The following CEP70 variants were observed in gnomAD, a reference collection of about 807,000 sequenced individuals.
CEP70 encodes centrosomal protein 70.
A neutral mutation model predicts 90.9 loss-of-function variants in CEP70; 70 were observed. The ratio of observed to expected loss-of-function variants is 0.77; its 90% confidence interval spans 0.64 to 0.94. CEP70 has a LOEUF of 0.94. Ranked by LOEUF, CEP70 falls within the 40% of genes least tolerant of loss-of-function variation. The pLI is 0.00. For synonymous variants in CEP70, 220 were observed against 228.3 expected, an observed-to-expected ratio of 0.96 and a Z score of 0.33; for missense variants, 648 against 669.0, an observed-to-expected ratio of 0.97 and a Z score of 0.35.
chr3:138,569,954 T>C (rs1368284744), intron 6 of CEP70, among the ~76,000 whole-genome samples: 1 of 152,166 alleles, frequency 6.6e-6, no homozygotes, highest in East Asian at 1.9e-4. Context: ...GATATGAGTC[T>C]GGAATTCGGG....
At position 138,500,791 on chromosome 3, in the gene CEP70, C is replaced by CA. The variant is rs753111985; in HGVS notation, c.1311dup (p.Glu438Ter). ...GTATCTACTATAAACAACAAATCTT[C>CA]AACTTTGATACCTTCATTTTCATCC... On this transcript the variant is annotated frameshift_variant, in exon 14 of 18. Coordinates refer to ENST00000264982, the MANE Select transcript of CEP70 (RefSeq NM_024491.4). LOFTEE classifies it high-confidence loss of function. The CA allele has an allele frequency of 1.2e-6, 2 of 1,605,838 alleles. No individual in the cohort carries two copies. The highest frequency in any genetic ancestry group is 1.7e-6 in the Non-Finnish European group (2 of 1,174,716).
At chr3:138,520,403 C>T (rs529696045) in intron 11 of CEP70, among the ~76,000 whole-genome samples, 1 of 152,322 alleles carries the variant, frequency 6.6e-6, no homozygotes, top group South Asian at 2.1e-4. Flanking sequence ...CCACACCACA[C>T]CTATTCCAAA....
At chr3:138,512,094 A>G (rs2035589581) in intron 11 of CEP70, among the ~76,000 whole-genome samples, 1 of 152,170 alleles carries the variant, frequency 6.6e-6, no homozygotes, top group Non-Finnish European at 1.5e-5. Flanking sequence ...ACAGACAACA[A>G]AGAAGAAATG....
chr3:138,506,328 G>A (rs1326330418), intron 12 of CEP70, among the ~76,000 whole-genome samples: 1 of 152,076 alleles, frequency 6.6e-6, no homozygotes, highest in African/African-American at 2.4e-5. Flanking sequence ...GGGCAACAGA[G>A]CAAGACCCTG....
intron 7 of CEP70, among the ~76,000 whole-genome samples, chr3:138,535,251 AC>A (rs2038166394): frequency 6.6e-6 from 1 of 151,840 alleles, no homozygotes; most frequent in Non-Finnish European, 1.5e-5. Context: ...CCTTTCTCTC[AC>A]CTCTTCCTAT....
intron 6 of CEP70, among the ~76,000 whole-genome samples, chr3:138,558,083 G>T (rs1266101623): frequency 6.6e-6 from 1 of 152,166 alleles, no homozygotes; most frequent in African/African-American, 2.4e-5. Flanking sequence ...AAAGAAAACT[G>T]GCCAGGCACA....
At chr3:138,560,198 C>T (rs1186327188) in intron 6 of CEP70, among the ~76,000 whole-genome samples, 1 of 152,114 alleles carries the variant, frequency 6.6e-6, no homozygotes. Flanking sequence ...ACAGTGGGTA[C>T]AGCCCACAGA....
rs553047415 is a variant in CEP70, at chr3:138,495,862, C to A, written c.1733-786G>T. On this transcript the variant is annotated intron_variant, in intron 17 of 17. Coordinates refer to ENST00000264982, the MANE Select transcript of CEP70 (RefSeq NM_024491.4). ...GAGCAAGACTATGTCTCAAAAAAAACAATTATCTGCCTAATCAAAAAGATA... is the reference window on the plus strand; with the variant it reads ...GAGCAAGACTATGTCTCAAAAAAAAAAATTATCTGCCTAATCAAAAAGATA... The A allele has an allele frequency of 2.6e-4, 255 of 984,378 alleles. No homozygotes were observed. The African/African-American group carries it at 4.1e-3, about 16-fold the overall frequency. The allele number at this position is 984,378 out of a possible 1,614,324, so 61.0% of individuals were successfully genotyped here.
intron 2 of CEP70, among the ~76,000 whole-genome samples, chr3:138,582,061 G>A (rs1161491651): frequency 6.6e-6 from 1 of 152,170 alleles, no homozygotes; most frequent in Non-Finnish European, 1.5e-5. Context: ...AAAAGCTGAG[G>A]AATTTCATCA....
chr3:138,522,464 G>T (rs973798655), intron 11 of CEP70, among the ~76,000 whole-genome samples: 3 of 151,882 alleles, frequency 2.0e-5, no homozygotes, highest in Non-Finnish European at 4.4e-5. Flanking sequence ...CAACAAAATT[G>T]ATAGACCACT....
chr3:138,537,586 A>C (rs1460022299), intron 6 of CEP70, among the ~76,000 whole-genome samples: 2 of 152,318 alleles, frequency 1.3e-5, no homozygotes, highest in Middle Eastern at 3.4e-3. Flanking sequence ...AATTGCGTGC[A>C]TTCAAGACAT....
intron 6 of CEP70, among the ~76,000 whole-genome samples, chr3:138,539,194 T>C (rs190886841): frequency 6.6e-6 from 1 of 152,168 alleles, no homozygotes; most frequent in Non-Finnish European, 1.5e-5. Flanking sequence ...GGATAGTTTT[T>C]GTATTTTTAG....
intron 6 of CEP70, among the ~76,000 whole-genome samples, chr3:138,566,803 G>GTA (rs35031657): frequency 0.066 from 9,745 of 148,428 alleles, 605 homozygotes; most frequent in East Asian, 0.32. Flanking sequence ...AGAACTTAAA[G>GTA]TATATATATA....
chr3:138,531,047 A>G (rs906303620), intron 8 of CEP70, among the ~76,000 whole-genome samples: 4 of 152,168 alleles, frequency 2.6e-5, no homozygotes, highest in Admixed American at 6.5e-5. Flanking sequence ...TCAATAAGAC[A>G]TCCAATCCAA....
In CEP70 at chr3:138,515,224, T is replaced by C. The variant is rs564887886; in HGVS notation, c.945-6680A>G. Among the ~76,000 whole-genome samples, 8 of 152,230 alleles carry C rather than the reference T, an allele frequency of 5.3e-5. No homozygotes were observed. In the South Asian group the frequency reaches 1.2e-3, roughly 24 times the overall value. On this transcript the variant is annotated intron_variant, in intron 11 of 17. Coordinates refer to ENST00000264982, the MANE Select transcript of CEP70 (RefSeq NM_024491.4). ...ACATTTTCCTTAAATGATCAATATATAACCTTGTTGTCTGTATGTTTCTAT... is the reference window on the plus strand; with the variant it reads ...ACATTTTCCTTAAATGATCAATATACAACCTTGTTGTCTGTATGTTTCTAT...
At chr3:138,590,683 T>C (rs1181779019) in intron 2 of CEP70, among the ~76,000 whole-genome samples, 4 of 149,834 alleles carry the variant, frequency 2.7e-5, no homozygotes, top group Non-Finnish European at 5.9e-5. Flanking sequence ...TGGTGGTGTG[T>C]GCCTATAATC....
intron 2 of CEP70, among the ~76,000 whole-genome samples, chr3:138,585,864 C>T (rs2042081889): frequency 6.6e-6 from 1 of 152,138 alleles, no homozygotes; most frequent in African/African-American, 2.4e-5. Flanking sequence ...TATCTCTCAC[C>T]ATATACAAAA....
At position 138,582,579 on chromosome 3, in the gene CEP70, G is replaced by GGCCAA. The variant is rs1163192659; in HGVS notation, c.-6+9270_-6+9274dup. ...ACAAGGTCATGTTCAAGATCAGCCT[G>GGCCAA]GCCAACATAGTGAAACCCCATCTCT... On this transcript the variant is annotated intron_variant, in intron 2 of 17. Coordinates refer to ENST00000264982, the MANE Select transcript of CEP70 (RefSeq NM_024491.4). Among the ~76,000 whole-genome samples, 13 of 151,724 alleles carry GGCCAA rather than the reference G, an allele frequency of 8.6e-5. 1 individual carries two copies.
intron 9 of CEP70, 25 bp downstream of exon 9, chr3:138,529,347 GTAT>G (rs1281858931): frequency 1.2e-5 from 19 of 1,567,926 alleles, no homozygotes; most frequent in Non-Finnish European, 1.6e-5. Flanking sequence ...TTATTAAAAA[GTAT>G]TTATTAGTTA....
Sources: allele counts gnomAD v4.1 joint callset (sites outside exome capture counted in the v4.1 genomes callset), GRCh38; gene constraint gnomAD v4.1.1; transcripts MANE v1.5; gene names NCBI Gene and HGNC (gene_info 2026-07-23, HGNC 2026-07-21).